RAB33A: variants seen among roughly 807,000 people sequenced by gnomAD.
RAB33A encodes RAB33A, member RAS oncogene family.
RAB33A carries 6 observed loss-of-function variants against 12.0 expected under a neutral mutation model. The ratio of observed to expected loss-of-function variants is 0.50; its 90% CI spans 0.27 to 0.99. RAB33A has a LOEUF of 0.99. Among genes scored for constraint, RAB33A ranks in the 50% least tolerant of loss-of-function variants. The pLI is 0.11. For missense variants in RAB33A, 109 were observed against 192.0 expected, an observed-to-expected ratio of 0.57 and a Z score of 2.55; for synonymous variants, 70 against 82.4, an observed-to-expected ratio of 0.85 and a Z score of 0.81.
At chrX:130,143,473 C>A in the RAB33A span, among the ~76,000 whole-genome samples, 1 of 111,270 alleles carries the variant, frequency 9.0e-6, no homozygotes, top group Non-Finnish European at 1.9e-5. Context: ...CATCTTCTAC[C>A]TTTAACCAAC....
chrX:130,172,212 C>T lies in RAB33A; in HGVS notation c.150C>T (p.Thr50=). Residue 50 remains threonine, a synonymous_variant, in exon 1 of 2, where the codon ACC becomes ACT. Transcript: ENST00000257017. ...IVIGDSNVGK[T]CLTFRFCGGT... is the part of the protein sequence containing the mutation. ...TTGGGGACTCCAACGTGGGCAAGACCTGCCTGACCTTCCGCTTCTGCGGGG... is the reference window on the plus strand; with the variant it reads ...TTGGGGACTCCAACGTGGGCAAGACTTGCCTGACCTTCCGCTTCTGCGGGG... 1 of 1,212,393 alleles carries T rather than the reference C, an allele frequency of 8.2e-7. No individual in the cohort carries two copies. The highest frequency in any genetic ancestry group is 1.1e-6 in the Non-Finnish European group (1 of 895,600).
chrX:130,130,856 C>T, the RAB33A span, among the ~76,000 whole-genome samples: 3 of 112,138 alleles, frequency 2.7e-5, no homozygotes, highest in Admixed American at 2.8e-4. Flanking sequence ...AACCACCAGC[C>T]TCCAAATAAT....
At chrX:130,165,737 C>T in the RAB33A span, 5 of 805,346 alleles carry the variant, frequency 6.2e-6, no homozygotes, top group Non-Finnish European at 9.2e-6. Flanking sequence ...GAGCCCCGGC[C>T]AGCTCCCCCA....
chrX:130,156,484 A>G, the RAB33A span: 1 of 1,211,864 alleles, frequency 8.3e-7, no homozygotes, highest in Non-Finnish European at 1.1e-6. Context: ...CCTACTGTTG[A>G]TAAGCCCACA....
At chrX:130,133,485 A>G in the RAB33A span, 3 of 1,199,138 alleles carry the variant, frequency 2.5e-6, no homozygotes, top group Non-Finnish European at 3.4e-6. Flanking sequence ...ACATGAACAC[A>G]TGATAAAAAA....
chrX:130,124,008 G>A, the RAB33A span, among the ~76,000 whole-genome samples: 1 of 112,393 alleles, frequency 8.9e-6, no homozygotes, highest in Non-Finnish European at 1.9e-5. Context: ...GCTGAGGTGG[G>A]AGGATCGCTT....
At chrX:130,182,155 A>T (rs202207212) in intron 1 of RAB33A, among the ~76,000 whole-genome samples, 60 of 52,450 alleles carry the variant, frequency 1.1e-3, no homozygotes, top group East Asian at 4.3e-3. Flanking sequence ...AAAAAAAAAA[A>T]AAATATATAT....
At chrX:130,163,982 T>G in the RAB33A span, among the ~76,000 whole-genome samples, 1 of 92,940 alleles carries the variant, frequency 1.1e-5, no homozygotes, top group Non-Finnish European at 2.1e-5. Flanking sequence ...GGTGAAACCT[T>G]GTCTCTACTA....
chrX:130,131,874 T>C, the RAB33A span: 2 of 1,137,492 alleles, frequency 1.8e-6, no homozygotes, highest in South Asian at 3.8e-5. Context: ...TCCATGACAC[T>C]GCATTTTTTT....
chrX:130,136,267 T>C, the RAB33A span: 1 of 1,101,823 alleles, frequency 9.1e-7, no homozygotes, highest in Non-Finnish European at 1.2e-6. Flanking sequence ...CTTCATGCCA[T>C]TAAGAATTGG....
intron 1 of RAB33A, among the ~76,000 whole-genome samples, chrX:130,172,769 G>A (rs1034619818): frequency 9.8e-5 from 11 of 111,759 alleles, no homozygotes; most frequent in African/African-American, 3.2e-4. Context: ...GCCTCAAGGC[G>A]TTAGAGGGAA....
At chrX:130,175,429 C>T (rs779125226) in intron 1 of RAB33A, among the ~76,000 whole-genome samples, 3 of 110,506 alleles carry the variant, frequency 2.7e-5, no homozygotes, top group African/African-American at 9.9e-5. Context: ...CCAAGGCCCC[C>T]AGGAGCCTTT....
chrX:130,141,974 G>GC, the RAB33A span, among the ~76,000 whole-genome samples: 1 of 111,615 alleles, frequency 9.0e-6, no homozygotes, highest in Non-Finnish European at 1.9e-5. Context: ...TAATTCCCTT[G>GC]CACCCTACTC....
the RAB33A span, among the ~76,000 whole-genome samples, chrX:130,147,099 T>C: frequency 9.0e-6 from 1 of 110,696 alleles, no homozygotes; most frequent in East Asian, 2.8e-4. Flanking sequence ...GAGGTGGAGG[T>C]TGCAGTGAGC....
Position 130,184,446 on chromosome X carries a change from G to T in RAB33A, c.420G>T (p.Val140=). ...MWIQECNGHA[V]PPLVPKVLVG... ...TCCAAGAATGCAATGGGCATGCTGT[G>T]CCCCCACTAGTCCCCAAAGTGCTTG... The change falls in exon 2 of 2, where the codon GTG becomes GTT. Residue 140 remains valine (V), a synonymous_variant. Coordinates refer to ENST00000257017, the MANE Select transcript of RAB33A (RefSeq NM_004794.3). The T allele has an allele frequency of 8.3e-7, 1 of 1,211,855 alleles. No individual in the cohort carries two copies. Among genetic ancestry groups the T allele is most frequent in the African/African-American group, 1.7e-5 (1 of 57,865 alleles).
chrX:130,177,964 A>G (rs2031679875), intron 1 of RAB33A, among the ~76,000 whole-genome samples: 1 of 111,978 alleles, frequency 8.9e-6, no homozygotes, highest in Non-Finnish European at 1.9e-5. Flanking sequence ...AGATGCTTTC[A>G]CTGCTTGGCA....
At chrX:130,136,314 A>G in the RAB33A span, 1 of 792,137 alleles carries the variant, frequency 1.3e-6, no homozygotes, top group Non-Finnish European at 1.9e-6. Flanking sequence ...ACCTCTGATA[A>G]ATGGATTTTA....
At chrX:130,179,322 A>G (rs1474473578) in intron 1 of RAB33A, among the ~76,000 whole-genome samples, 6 of 111,965 alleles carry the variant, frequency 5.4e-5, no homozygotes, top group Non-Finnish European at 1.1e-4. Context: ...AACCTCACTC[A>G]GCCTCAAACA....
the RAB33A span, among the ~76,000 whole-genome samples, chrX:130,163,421 G>GA: frequency 9.0e-6 from 1 of 110,985 alleles, no homozygotes; most frequent in Non-Finnish European, 1.9e-5. Context: ...ACATGAAAAA[G>GA]AAATCAGATT....
Sources: allele counts gnomAD v4.1 joint callset (sites outside exome capture counted in the v4.1 genomes callset), GRCh38; gene constraint gnomAD v4.1.1; transcripts MANE v1.5; gene names NCBI Gene and HGNC (gene_info 2026-07-23, HGNC 2026-07-21).